DOCK4: variants seen among roughly 807,000 people sequenced by gnomAD.
DOCK4 encodes dedicator of cytokinesis 4.
Under a neutral mutation model 268.1 loss-of-function variants are expected in DOCK4, and 97 were observed. The observed-to-expected ratio is 0.36, with a 90% CI of 0.31 to 0.43. The LOEUF (loss-of-function observed/expected upper bound fraction) is 0.43, where lower values mean the gene tolerates loss of function less well. Ranked by LOEUF, DOCK4 falls within the 20% of genes least tolerant of loss-of-function variation. The pLI is 1.00. For synonymous variants in DOCK4, 954 were observed against 887.2 expected, an observed-to-expected ratio of 1.08 and a Z score of -1.34; for missense variants, 2,145 against 2,455.7, an observed-to-expected ratio of 0.87 and a Z score of 2.67.
rs536633947 is a variant in DOCK4, at chr7:111,793,753, C to T, written c.3167-3148G>A. 5.6e-4 allele frequency among the ~76,000 whole-genome samples: 85 copies of T among 152,250 alleles called. No individual in the cohort carries two copies. In the South Asian group the frequency reaches 8.7e-3, roughly 16 times the overall value. On this transcript the variant is annotated intron_variant, in intron 30 of 52. Coordinates refer to ENST00000428084, the MANE Select transcript of DOCK4 (RefSeq NM_001363540.2). ...CAAAGGGCCTGGTGCAGTGGTTCAA[C>T]GCCTGCAGTCCCAGCACTTTGGGAG...
chr7:111,940,068 C>T (rs1795082357), intron 11 of DOCK4, 42 bp downstream of exon 11: 1 of 1,608,566 alleles, frequency 6.2e-7, no homozygotes, highest in Non-Finnish European at 8.5e-7. Flanking sequence ...CCACATGTAC[C>T]CCTGTGCCTA....
At position 111,803,611 on chromosome 7, in the gene DOCK4, T is replaced by C. The variant is rs1800457102; in HGVS notation, c.3166+5210A>G. ...GTAAGAATGTTAGTTCATCTAAAAA[T>C]AGAAAGAAAAACTTAACCTTGAAGA... On this transcript the variant is annotated intron_variant, in intron 30 of 52. Coordinates refer to ENST00000428084, the MANE Select transcript of DOCK4 (RefSeq NM_001363540.2). 2.6e-5 allele frequency among the ~76,000 whole-genome samples: 4 copies of C among 152,100 alleles called. No homozygotes were observed. In the South Asian group the frequency reaches 8.3e-4, roughly 32 times the overall value.
chr7:111,862,480 T>C (rs1047344525), intron 23 of DOCK4, among the ~76,000 whole-genome samples: 1 of 127,552 alleles, frequency 7.8e-6, no homozygotes, highest in Non-Finnish European at 1.6e-5. Flanking sequence ...GGGAAAATCA[T>C]TCTTTTTTTT....
At chr7:112,051,566 AT>A (rs1479488110) in intron 1 of DOCK4, among the ~76,000 whole-genome samples, 4 of 152,090 alleles carry the variant, frequency 2.6e-5, no homozygotes, top group Non-Finnish European at 4.4e-5. Flanking sequence ...TCTAAAAATG[AT>A]TGCAATCATT....
intron 42 of DOCK4, 61 bp from the exon 43 acceptor site, chr7:111,747,504 G>A (rs918163558): frequency 2.7e-6 from 4 of 1,472,696 alleles, no homozygotes; most frequent in Admixed American, 4.2e-5. Context: ...GAAAGACAAA[G>A]TAGTTTATCC....
chr7:111,749,675 GAAGAA>G (rs1200106556), intron 42 of DOCK4, among the ~76,000 whole-genome samples: 2 of 152,106 alleles, frequency 1.3e-5, no homozygotes, highest in African/African-American at 4.8e-5. Flanking sequence ...GCCAAATACT[GAAGAA>G]AAGGGGCAAA....
intron 30 of DOCK4, among the ~76,000 whole-genome samples, chr7:111,794,821 C>G (rs528640878): frequency 6.6e-6 from 1 of 152,298 alleles, no homozygotes; most frequent in East Asian, 1.9e-4. Context: ...TTCTTAATCA[C>G]TCTCCTAGGA....
chr7:112,206,219 C>T lies in DOCK4; in HGVS notation c.-81G>A, dbSNP rs1042396062. The T allele has an allele frequency of 4.8e-6, 7 of 1,451,200 alleles. No individual in the cohort carries two copies. Among genetic ancestry groups the T allele is most frequent in the Admixed American group, 2.0e-5 (1 of 50,086 alleles). The allele number at this position is 1,451,200 out of a possible 1,614,324, so 89.9% of individuals were successfully genotyped here. On this transcript the variant is annotated 5_prime_UTR_variant, in exon 1 of 53. Coordinates refer to ENST00000428084, the MANE Select transcript of DOCK4 (RefSeq NM_001363540.2). Reference sequence around the variant, plus strand: ...CTCACAACAATGCACAGTCCCCGAGCAGCGCTGCAGTGCCGGAGCCCAGCG... The same window carrying T: ...CTCACAACAATGCACAGTCCCCGAGTAGCGCTGCAGTGCCGGAGCCCAGCG...
At chr7:111,959,306 G>A (rs908141477) in intron 8 of DOCK4, among the ~76,000 whole-genome samples, 16 of 152,094 alleles carry the variant, frequency 1.1e-4, no homozygotes, top group South Asian at 4.1e-4. Context: ...CTCCCTGCAC[G>A]TCTGGCCGGT....
intron 8 of DOCK4, among the ~76,000 whole-genome samples, chr7:111,955,063 T>C (rs1258022149): frequency 1.3e-5 from 2 of 152,166 alleles, no homozygotes; most frequent in Non-Finnish European, 2.9e-5. Flanking sequence ...TTTATGATAG[T>C]CATGTATACC....
intron 8 of DOCK4, among the ~76,000 whole-genome samples, chr7:111,952,152 A>G (rs538681389): frequency 1.3e-5 from 2 of 152,252 alleles, no homozygotes; most frequent in African/African-American, 2.4e-5. Context: ...ATGAAGCCAA[A>G]TGAAAAAAAC....
chr7:112,015,476 A>C (rs909852631), intron 1 of DOCK4, among the ~76,000 whole-genome samples: 2 of 152,266 alleles, frequency 1.3e-5, no homozygotes, highest in East Asian at 1.9e-4. Flanking sequence ...CTTCTCCAAT[A>C]AACTTGCTTT....
intron 2 of DOCK4, among the ~76,000 whole-genome samples, chr7:112,003,583 C>A (rs1800615983): frequency 1.3e-5 from 2 of 152,104 alleles, no homozygotes; most frequent in African/African-American, 2.4e-5. Context: ...TATTCAAGTG[C>A]ATTGAATAAT....
At chr7:112,009,564 T>C (rs991532165) in intron 1 of DOCK4, among the ~76,000 whole-genome samples, 4 of 151,908 alleles carry the variant, frequency 2.6e-5, no homozygotes, top group East Asian at 3.9e-4. Context: ...ATCGGTGTTG[T>C]AGACATTCTA....
At chr7:112,053,657 T>C (rs529074794) in intron 1 of DOCK4, among the ~76,000 whole-genome samples, 3 of 152,348 alleles carry the variant, frequency 2.0e-5, no homozygotes, top group South Asian at 4.1e-4. Flanking sequence ...CTACAGTGTA[T>C]TTAACATTTT....
chr7:111,728,319 G>T lies in DOCK4; in HGVS notation c.5883C>A (p.Pro1961=). ...HLENGARRTD[P]GPRPRPLPRK... ...GGGGCAGGGGCCTGGGCCGCGGGCC[G>T]GGGTCAGTCCTCCGGGCCCCATTCT... Residue 1961 remains proline (P), a synonymous_variant, in exon 53 of 53, where the codon CCC becomes CCA. Coordinates refer to ENST00000428084, the MANE Select transcript of DOCK4 (RefSeq NM_001363540.2). The T allele has an allele frequency of 6.6e-7, 1 of 1,511,616 alleles. No individual in the cohort carries two copies. The highest frequency in any genetic ancestry group is 8.8e-7 in the Non-Finnish European group (1 of 1,131,396). 93.6% of individuals were successfully genotyped at this position (1,511,616 alleles called of 1,614,324 possible).
At chr7:111,776,633 T>C (rs565836772) in intron 36 of DOCK4, among the ~76,000 whole-genome samples, 3 of 152,282 alleles carry the variant, frequency 2.0e-5, no homozygotes, top group African/African-American at 7.2e-5. Context: ...AAGGAAATAA[T>C]GCTTGGAAGC....
At chr7:112,008,220 T>C (rs2135342431) in intron 1 of DOCK4, among the ~76,000 whole-genome samples, 1 of 152,328 alleles carries the variant, frequency 6.6e-6, no homozygotes, top group East Asian at 1.9e-4. Context: ...GTATAAAAAC[T>C]ACTGCTGTGG....
intron 17 of DOCK4, 107 bp downstream of exon 17, chr7:111,876,923 A>G: frequency 9.2e-7 from 1 of 1,084,514 alleles, no homozygotes; most frequent in Non-Finnish European, 1.2e-6. Context: ...AGGATCAATA[A>G]TTTTTCTAAA....
Sources: gnomAD v4.1 joint callset for allele counts (sites outside exome capture counted in the v4.1 genomes callset) on GRCh38, gnomAD v4.1.1 for gene constraint, MANE v1.5 for transcripts, NCBI Gene and HGNC (gene_info 2026-07-23, HGNC 2026-07-21) for gene names.